Variants in PCGF6 observed in about 807,000 individuals in gnomAD.
The protein encoded by PCGF6 is polycomb group ring finger 6, also known as polycomb group RING finger protein 6.
PCGF6 carries 24 observed loss-of-function variants against 45.5 expected under a neutral mutation model. That is an observed-to-expected ratio of 0.53 (90% CI 0.38 to 0.74). PCGF6 has a LOEUF of 0.74. PCGF6 is among the 30% of genes least tolerant of loss of function. PCGF6 has a pLI of 0.00. For synonymous variants in PCGF6, 152 were observed against 162.1 expected, an observed-to-expected ratio of 0.94 and a Z score of 0.47; for missense variants, 356 against 443.2, an observed-to-expected ratio of 0.80 and a Z score of 1.77.
In PCGF6 at chr10:103,347,546, C is replaced by G. The variant is rs1352321013; in HGVS notation, c.558-96G>C. 7 of 978,446 alleles carry G rather than the reference C, an allele frequency of 7.2e-6. No homozygotes were observed. The Admixed American group carries it at 1.7e-4, about 24-fold the overall frequency. 60.6% of individuals were successfully genotyped at this position (978,446 alleles called of 1,614,324 possible). A position where few individuals can be genotyped will look rare whatever the true frequency, so the allele number is the denominator to read the frequency against. ...TGTGTTTTCTCTTGAGAGTGGGTAT[C>G]TTTTTTCTCAGAGGTGAGTTACTTT... On this transcript the variant is annotated intron_variant, in intron 3 of 9. Transcript: ENST00000369847.
Position 103,316,754 on chromosome 10 carries a change from A to G in PCGF6, c.910-2482T>C, listed in dbSNP as rs565594808. 7.9e-5 allele frequency among the ~76,000 whole-genome samples: 12 copies of G among 152,302 alleles called. No homozygotes were observed. The East Asian group carries it at 1.7e-3, about 22-fold the overall frequency. ...CAGCCACGGTGTGGCTGTGCTTTCA[A>G]TTCATTTTGCAAATACCACTCTGTC... On this transcript the variant is annotated intron_variant, in intron 8 of 9. Transcript: ENST00000369847.
chr10:103,333,139 T>C (rs982583535), intron 7 of PCGF6, among the ~76,000 whole-genome samples: 16 of 142,890 alleles, frequency 1.1e-4, no homozygotes, highest in African/African-American at 4.3e-4. Context: ...AAAAAAAAAA[T>C]CATGAGGACT....
rs147700101 is a variant in PCGF6 at position 103,343,007 on chromosome 10, C to A, written c.782+2017G>T. Among the ~76,000 whole-genome samples, 363 of 152,208 alleles carry A rather than the reference C, an allele frequency of 2.4e-3. 1 individual carries two copies. The highest frequency in any genetic ancestry group is 8.3e-3 in the African/African-American group (344 of 41,538). Reference sequence around the variant, plus strand: ...GCAGTGGCACCACCTCGGCTCACTGCAAGCTCTGCCTCCTGGGTTCACGCC... The same window carrying A: ...GCAGTGGCACCACCTCGGCTCACTGAAAGCTCTGCCTCCTGGGTTCACGCC... On this transcript the variant is annotated intron_variant, in intron 6 of 9. Transcript: ENST00000369847.
intron 7 of PCGF6, among the ~76,000 whole-genome samples, chr10:103,333,482 G>A (rs1323495237): frequency 3.3e-5 from 5 of 152,102 alleles, no homozygotes; most frequent in Admixed American, 6.6e-5. Context: ...TGTTACCTGT[G>A]ATTTCGGAAT....
chr10:103,319,992 G>A (rs2093191061), intron 8 of PCGF6, among the ~76,000 whole-genome samples: 1 of 152,108 alleles, frequency 6.6e-6, no homozygotes, highest in African/African-American at 2.4e-5. Context: ...ATTTTTAGTA[G>A]AGATGGGGTT....
chr10:103,309,389 T>C (rs2093148729), intron 9 of PCGF6, among the ~76,000 whole-genome samples: 1 of 152,204 alleles, frequency 6.6e-6, no homozygotes, highest in Admixed American at 6.5e-5. Context: ...GAATAAGGTC[T>C]TGTGTGATAT....
intron 8 of PCGF6, among the ~76,000 whole-genome samples, chr10:103,323,046 A>G (rs1221283971): frequency 1.3e-5 from 2 of 152,162 alleles, no homozygotes; most frequent in Non-Finnish European, 2.9e-5. Context: ...GCTTTTAGAA[A>G]TAACAGGCTG....
chr10:103,347,414 T>C lies in PCGF6; in HGVS notation c.594A>G (p.Leu198=), dbSNP rs779669244. The change falls in exon 4 of 10, where the codon TTA becomes TTG. Residue 198 remains leucine (L), a synonymous_variant. Coordinates refer to ENST00000369847, the MANE Select transcript of PCGF6 (RefSeq NM_001011663.2). ...DRQLQDIVYK[L]VINLEEREKK... ...ACTTACTTTCCTCTAGATTGATCACTAATTTGTACACTATGTCTTGTAACT... is the reference window on the plus strand; with the variant it reads ...ACTTACTTTCCTCTAGATTGATCACCAATTTGTACACTATGTCTTGTAACT... The C allele has an allele frequency of 2.4e-5, 38 of 1,608,200 alleles. No individual in the cohort carries two copies. In the South Asian group the frequency reaches 4.1e-4, roughly 17 times the overall value.
At chr10:103,350,668 C>A in intron 1 of PCGF6, 39 bp downstream of exon 1, 2 of 1,412,708 alleles carry the variant, frequency 1.4e-6, no homozygotes, top group Non-Finnish European at 1.9e-6. Context: ...TCCCTGACGC[C>A]GCTTGGGCCC....
intron 5 of PCGF6, among the ~76,000 whole-genome samples, chr10:103,345,719 T>C (rs1199692864): frequency 6.6e-6 from 1 of 151,402 alleles, no homozygotes; most frequent in Non-Finnish European, 1.5e-5. Flanking sequence ...TCCCAGCTAT[T>C]TGGGAGGCTG....
chr10:103,313,297 G>T (rs2093163807), intron 9 of PCGF6, among the ~76,000 whole-genome samples: 1 of 152,360 alleles, frequency 6.6e-6, no homozygotes, highest in South Asian at 2.1e-4. Flanking sequence ...GGGCAGAGGG[G>T]CTCACCCCTG....
At chr10:103,337,519 T>C (rs2093261430) in intron 6 of PCGF6, among the ~76,000 whole-genome samples, 1 of 152,190 alleles carries the variant, frequency 6.6e-6, no homozygotes, top group African/African-American at 2.4e-5. Flanking sequence ...CTACTCTGAG[T>C]TAGTCTTCAA....
intron 6 of PCGF6, among the ~76,000 whole-genome samples, chr10:103,343,566 C>T (rs186115677): frequency 3.3e-5 from 5 of 151,962 alleles, no homozygotes; most frequent in Admixed American, 2.0e-4. Flanking sequence ...TAGCAGGGCA[C>T]GGTGGCTCAC....
chr10:103,304,425 A>G (rs1392680029), intron 9 of PCGF6, among the ~76,000 whole-genome samples: 1 of 145,086 alleles, frequency 6.9e-6, no homozygotes, highest in African/African-American at 2.6e-5. Context: ...ACTGCAGCCT[A>G]TGCCTCCCAG....
chr10:103,328,149 A>G (rs1369878670), intron 7 of PCGF6, among the ~76,000 whole-genome samples: 3 of 152,176 alleles, frequency 2.0e-5, no homozygotes, highest in African/African-American at 7.2e-5. Context: ...CTACGACCTC[A>G]TGCAAATAAA....
intron 8 of PCGF6, among the ~76,000 whole-genome samples, chr10:103,315,185 T>C (rs1360909605): frequency 1.3e-5 from 2 of 151,992 alleles, no homozygotes; most frequent in Admixed American, 1.3e-4. Context: ...AGCTCCAAGA[T>C]ATATCTTTTT....
intron 5 of PCGF6, 124 bp from the exon 6 acceptor site, chr10:103,345,256 C>G: frequency 1.5e-6 from 1 of 680,626 alleles, no homozygotes; most frequent in Admixed American, 3.0e-5. Flanking sequence ...CACTCAATCT[C>G]CCTGTCTTTA....
At chr10:103,335,085 T>A (rs567736547) in intron 6 of PCGF6, among the ~76,000 whole-genome samples, 1 of 152,160 alleles carries the variant, frequency 6.6e-6, no homozygotes, top group South Asian at 2.1e-4. Flanking sequence ...AGAGATAGGG[T>A]CTTGCTCTAT....
In PCGF6 at chr10:103,350,903, C is replaced by A; in HGVS notation, c.164G>T (p.Gly55Val). The A allele has an allele frequency of 2.0e-6, 3 of 1,524,616 alleles. No homozygotes were observed. The highest frequency in any genetic ancestry group is 2.1e-5 in the Admixed American group (1 of 46,792). The allele number at this position is 1,524,616 out of a possible 1,614,324, so 94.4% of individuals were successfully genotyped here. Reference sequence around the variant, plus strand: ...CTCAGGGGGCCGGGAGCCGGAGCAGCCGGGAGCCCCCGTCTCAGACAGAGG... The same window carrying A: ...CTCAGGGGGCCGGGAGCCGGAGCAGACGGGAGCCCCCGTCTCAGACAGAGG... The part of the protein sequence containing the change: ...PAPLSETGAP[G>V]CSGSRPPELE... Residue 55 changes from glycine (G) to valine (V), a missense_variant, in exon 1 of 10, where the codon GGC becomes GTC. By Grantham distance (109) the Gly-to-Val change is moderately radical. Coordinates refer to ENST00000369847, the MANE Select transcript of PCGF6 (RefSeq NM_001011663.2).
Sources: gnomAD v4.1 joint callset for allele counts (sites outside exome capture counted in the v4.1 genomes callset) on GRCh38, gnomAD v4.1.1 for gene constraint, MANE v1.5 for transcripts, NCBI Gene and HGNC (gene_info 2026-07-23, HGNC 2026-07-21) for gene names.